Variants in CORO2B observed in about 807,000 individuals in gnomAD.
CORO2B encodes coronin 2B, also known as coronin-2B.
A neutral mutation model predicts 58.8 loss-of-function variants in CORO2B; 26 were observed. That is an observed-to-expected ratio of 0.44 (90% CI 0.32 to 0.61). The LOEUF (loss-of-function observed/expected upper bound fraction) is 0.61. CORO2B is among the 20% of genes least tolerant of loss of function. The probability of loss-of-function intolerance (pLI) is 0.04; values close to 1 mark genes in which losing one functional copy is unlikely to be tolerated. For missense variants in CORO2B, 460 were observed against 645.1 expected, an observed-to-expected ratio of 0.71 and a Z score of 3.11; for synonymous variants, 242 against 253.8, an observed-to-expected ratio of 0.95 and a Z score of 0.44.
chr15:68,641,727 TTTTA>T (rs1901240283), intron 1 of CORO2B: 2 of 329,902 alleles, frequency 6.1e-6, no homozygotes, highest in African/African-American at 4.5e-5. Context: ...CACCTTTATT[TTTTA>T]TTTATTTTTT....
the CORO2B span, among the ~76,000 whole-genome samples, chr15:68,570,484 G>C: frequency 6.6e-6 from 1 of 152,214 alleles, no homozygotes; most frequent in African/African-American, 2.4e-5. Context: ...GGAAACTTCC[G>C]GGTGGTGACT....
the CORO2B span, among the ~76,000 whole-genome samples, chr15:68,529,908 A>C: frequency 0.12 from 18,873 of 152,292 alleles, 1,193 homozygotes; most frequent in Admixed American, 0.16. Context: ...TTTGAACTAA[A>C]GGTTACTTAG....
intron 3 of CORO2B, among the ~76,000 whole-genome samples, chr15:68,705,436 C>CAAAAAAAAAAAAAAAAAAAAAAAAAAA: frequency 8.9e-6 from 1 of 112,818 alleles, no homozygotes; most frequent in Non-Finnish European, 1.8e-5. Flanking sequence ...AACTCTATCT[C>CAAAAAAAAAAAAAAAAAAAAAAAAAAA]AAAAAAAAAA....
In CORO2B at chr15:68,598,129, G is replaced by A. The variant is rs149724256; in HGVS notation, c.15+18852G>A. Among the ~76,000 whole-genome samples, 23 of 152,332 alleles carry A rather than the reference G, an allele frequency of 1.5e-4. 1 individual carries two copies. In the East Asian group the frequency reaches 3.5e-3, roughly 23 times the overall value. ...TTGTTCCATAGACTTGGCTCTGAGA[G>A]CATTTTCACTGTTTCAGAGAATCGG... On this transcript the variant is annotated intron_variant, in intron 1 of 11. Transcript: ENST00000261861.
intron 1 of CORO2B, among the ~76,000 whole-genome samples, chr15:68,612,265 G>A (rs1289163256): frequency 1.3e-5 from 2 of 152,246 alleles, no homozygotes; most frequent in African/African-American, 4.8e-5. Flanking sequence ...ATAAAGATGG[G>A]CACTATACTT....
the CORO2B span, among the ~76,000 whole-genome samples, chr15:68,524,278 T>G: frequency 6.6e-6 from 1 of 152,178 alleles, no homozygotes; most frequent in Non-Finnish European, 1.5e-5. Flanking sequence ...GAAACTTTGG[T>G]CTGACACAAG....
intron 2 of CORO2B, among the ~76,000 whole-genome samples, chr15:68,668,375 G>T (rs1313552810): frequency 1.3e-5 from 2 of 151,914 alleles, no homozygotes; most frequent in African/African-American, 4.8e-5. Context: ...CCAGTCAGGA[G>T]ACAAACAATG....
intron 2 of CORO2B, among the ~76,000 whole-genome samples, chr15:68,685,238 T>A (rs1902925610): frequency 6.6e-6 from 1 of 152,230 alleles, no homozygotes; most frequent in South Asian, 2.1e-4. Flanking sequence ...CGGGAGACAG[T>A]CTTACTTTGT....
intron 2 of CORO2B, among the ~76,000 whole-genome samples, chr15:68,685,477 G>T (rs918300026): frequency 6.6e-6 from 1 of 152,210 alleles, no homozygotes; most frequent in East Asian, 1.9e-4. Context: ...CTCCCAAAGT[G>T]CTGGGATTAC....
intron 2 of CORO2B, among the ~76,000 whole-genome samples, chr15:68,687,315 G>C (rs553127668): frequency 6.6e-6 from 1 of 152,336 alleles, no homozygotes; most frequent in Admixed American, 6.5e-5. Flanking sequence ...CTCTAGGTAA[G>C]AAAACATTTT....
At chr15:68,528,368 A>G in the CORO2B span, among the ~76,000 whole-genome samples, 1 of 152,060 alleles carries the variant, frequency 6.6e-6, no homozygotes, top group East Asian at 1.9e-4. Context: ...GAGTTTTTTC[A>G]AGTACTTTCT....
chr15:68,601,348 C>T (rs754744141), intron 1 of CORO2B, among the ~76,000 whole-genome samples: 6 of 152,204 alleles, frequency 3.9e-5, no homozygotes, highest in African/African-American at 7.2e-5. Context: ...GGGTTCCACC[C>T]GTCCCTGGGC....
At chr15:68,578,174 T>C (rs78584969), upstream of CORO2B, among the ~76,000 whole-genome samples, 2,961 of 152,154 alleles carry the variant, frequency 0.019, 48 homozygotes, top group Non-Finnish European at 0.028. This position sits in a 1 kb window ranked among gnomAD's most constrained non-coding sequence, Gnocchi z 4.2. Context: ...CGAGTCAGGA[T>C]TGGATCAACA....
the CORO2B span, among the ~76,000 whole-genome samples, chr15:68,537,671 T>G: frequency 0.78 from 118,213 of 151,924 alleles, 46,161 homozygotes; most frequent in East Asian, 0.96. Context: ...CAGGCCCCAG[T>G]GTGTGTTGTT....
intron 2 of CORO2B, among the ~76,000 whole-genome samples, chr15:68,665,706 A>G (rs2899742): frequency 0.8 from 121,784 of 151,894 alleles, 52,037 homozygotes; most frequent in Non-Finnish European, 0.93. Context: ...TTATTGTATT[A>G]TATATCCTTT....
At chr15:68,637,788 C>T (rs1221042596) in intron 1 of CORO2B, among the ~76,000 whole-genome samples, 1 of 152,210 alleles carries the variant, frequency 6.6e-6, no homozygotes, top group African/African-American at 2.4e-5. Flanking sequence ...TTCCTCCCAG[C>T]CCTTTGATGT....
chr15:68,703,905 A>G (rs1034158272), intron 3 of CORO2B, among the ~76,000 whole-genome samples: 2 of 152,082 alleles, frequency 1.3e-5, no homozygotes, highest in Non-Finnish European at 1.5e-5. Context: ...CATGAAAAAT[A>G]TAACTTGGCC....
At chr15:68,599,874 C>T (rs912874867) in intron 1 of CORO2B, among the ~76,000 whole-genome samples, 1 of 152,226 alleles carries the variant, frequency 6.6e-6, no homozygotes, top group Non-Finnish European at 1.5e-5. Context: ...TAGCCAGGCT[C>T]TGTGGGCCTG....
chr15:68,659,635 T>TA (rs963640959), intron 2 of CORO2B, among the ~76,000 whole-genome samples: 3 of 152,002 alleles, frequency 2.0e-5, no homozygotes, highest in Admixed American at 6.5e-5. Context: ...AGTGAATCAT[T>TA]ATAAAAGTCT....
Sources: gnomAD v4.1 joint callset for allele counts (sites outside exome capture counted in the v4.1 genomes callset) on GRCh38, gnomAD v4.1.1 for gene constraint, Gnocchi (gnomAD v3.1) non-coding constraint, MANE v1.5 for transcripts, NCBI Gene and HGNC (gene_info 2026-07-23, HGNC 2026-07-21) for gene names.